NLGN1: variants seen among roughly 807,000 people sequenced by gnomAD.
The protein encoded by NLGN1 is neuroligin-1.
In NLGN1, 12 loss-of-function variants were observed where a neutral mutation model predicts 65.5. The ratio of observed to expected loss-of-function variants is 0.18; its 90% confidence interval spans 0.12 to 0.30. The LOEUF (loss-of-function observed/expected upper bound fraction) is 0.30. NLGN1 is among the 10% of genes least tolerant of loss of function. The pLI is 1.00. For synonymous variants in NLGN1, 350 were observed against 359.5 expected, an observed-to-expected ratio of 0.97 and a Z score of 0.30; for missense variants, 750 against 1,007.1, an observed-to-expected ratio of 0.74 and a Z score of 3.46.
intron 4 of NLGN1, among the ~76,000 whole-genome samples, chr3:174,012,672 T>C (rs73880307): frequency 0.024 from 3,630 of 152,242 alleles, 147 homozygotes; most frequent in African/African-American, 0.083. Context: ...TTCACCATCA[T>C]AGTTTCAAAG....
chr3:174,082,215 A>G (rs1029041420), intron 4 of NLGN1, among the ~76,000 whole-genome samples: 2 of 152,194 alleles, frequency 1.3e-5, no homozygotes, highest in African/African-American at 4.8e-5. Flanking sequence ...GTTGAGGCAA[A>G]CCACACATTT....
chr3:174,264,435 A>G (rs1327663679), intron 4 of NLGN1, among the ~76,000 whole-genome samples: 1 of 147,318 alleles, frequency 6.8e-6, no homozygotes, highest in East Asian at 2.2e-4. Context: ...CATTCATTTC[A>G]TCTTCCATCG....
In NLGN1 at chr3:174,280,719, C is replaced by A; in HGVS notation, c.1888C>A (p.Pro630Thr). Residue 630 changes from proline (P) to threonine (T), a missense_variant, in exon 7 of 7, where the codon CCA becomes ACA. By Grantham distance (38) the Pro-to-Thr change is conservative. Coordinates refer to ENST00000457714, the Ensembl canonical transcript of NLGN1. This position sits in a 1 kb window ranked among gnomAD's most constrained non-coding sequence, Gnocchi z 4.9. ...GTATACCTCTACAACAACTAAAGTG[C>A]CATCAACTGACATCACTTTCAGACC... is the stretch of plus-strand genomic sequence containing the variant. 1 of 1,613,252 alleles carries A rather than the reference C, an allele frequency of 6.2e-7. No individual in the cohort carries two copies. Among genetic ancestry groups the A allele is most frequent in the Non-Finnish European group, 8.5e-7 (1 of 1,179,480 alleles).
At chr3:173,904,506 A>G (rs1737975747) in intron 4 of NLGN1, among the ~76,000 whole-genome samples, 1 of 151,542 alleles carries the variant, frequency 6.6e-6, no homozygotes, top group Admixed American at 6.6e-5. Context: ...GTGAAGATAA[A>G]GGGTTTTTTT....
chr3:173,426,240 T>C (rs1221701380), intron 1 of NLGN1, among the ~76,000 whole-genome samples: 1 of 152,168 alleles, frequency 6.6e-6, no homozygotes, highest in Non-Finnish European at 1.5e-5. Context: ...TGGTGGACTC[T>C]AGGTTTTTCT....
At chr3:174,215,395 G>T (rs980950684) in intron 4 of NLGN1, among the ~76,000 whole-genome samples, 5 of 152,044 alleles carry the variant, frequency 3.3e-5, no homozygotes, top group Non-Finnish European at 7.4e-5. Flanking sequence ...AAAGCCTGTG[G>T]GTAAGCCTCA....
chr3:173,455,274 G>C (rs991458040), intron 2 of NLGN1, among the ~76,000 whole-genome samples: 1 of 152,122 alleles, frequency 6.6e-6, no homozygotes, highest in Non-Finnish European at 1.5e-5. Context: ...GTGAGACCTG[G>C]AGCAAGGGAG....
At chr3:174,272,685 A>G (rs1749658354) in intron 4 of NLGN1, among the ~76,000 whole-genome samples, 1 of 149,224 alleles carries the variant, frequency 6.7e-6, no homozygotes, top group African/African-American at 2.5e-5. Context: ...ATAGATAGAT[A>G]GATAGATAGA....
chr3:174,247,783 AG>A (rs1427468399), intron 4 of NLGN1, among the ~76,000 whole-genome samples: 1 of 152,216 alleles, frequency 6.6e-6, no homozygotes, highest in Non-Finnish European at 1.5e-5. Context: ...TGGCTGTGAA[AG>A]ACCAGACGTT....
At chr3:173,884,644 A>G (rs933305710) in intron 4 of NLGN1, among the ~76,000 whole-genome samples, 2 of 152,212 alleles carry the variant, frequency 1.3e-5, no homozygotes, top group Non-Finnish European at 2.9e-5. Flanking sequence ...GTGCATGTAC[A>G]TAGGACTCTA....
At chr3:173,717,147 G>C (rs949432976) in intron 3 of NLGN1, among the ~76,000 whole-genome samples, 5 of 152,154 alleles carry the variant, frequency 3.3e-5, no homozygotes, top group African/African-American at 1.2e-4. Context: ...AGCCAATTTG[G>C]TATGGTGATG....
At chr3:174,019,135 A>G (rs145086762) in intron 4 of NLGN1, among the ~76,000 whole-genome samples, 76 of 152,304 alleles carry the variant, frequency 5.0e-4, no homozygotes, top group African/African-American at 1.6e-3. Context: ...GCAAGCAAAT[A>G]TATTCCTAGT....
exon 7 of NLGN1, chr3:174,282,941 A>ATTAT (rs987852402): frequency 6.6e-6 from 1 of 151,994 alleles, no homozygotes; most frequent in African/African-American, 2.4e-5. Flanking sequence ...AGAATGAAAG[A>ATTAT]TTATTATACA....
chr3:173,891,182 G>A (rs983473528), intron 4 of NLGN1, among the ~76,000 whole-genome samples: 4 of 152,168 alleles, frequency 2.6e-5, no homozygotes, highest in African/African-American at 9.7e-5. Flanking sequence ...TGACAGCAAA[G>A]CACTCTGGAC....
chr3:174,219,414 G>T (rs966114729), intron 4 of NLGN1, among the ~76,000 whole-genome samples: 1 of 152,066 alleles, frequency 6.6e-6, no homozygotes, highest in African/African-American at 2.4e-5. Context: ...TATTCCTCAA[G>T]ACATGGTCCT....
intron 3 of NLGN1, among the ~76,000 whole-genome samples, chr3:173,663,943 A>G (rs1040132051): frequency 5.3e-5 from 8 of 151,882 alleles, no homozygotes; most frequent in African/African-American, 1.9e-4. Context: ...TGAAAGAACT[A>G]CAGAAGTACT....
chr3:173,966,866 C>T (rs1714989397), intron 4 of NLGN1, among the ~76,000 whole-genome samples: 2 of 152,100 alleles, frequency 1.3e-5, no homozygotes, highest in South Asian at 4.1e-4. Context: ...TAAGTGTACA[C>T]CCTATGACAT....
At chr3:173,815,942 ATT>A (rs1718947696) in intron 4 of NLGN1, among the ~76,000 whole-genome samples, 1 of 150,636 alleles carries the variant, frequency 6.6e-6, no homozygotes, top group African/African-American at 2.4e-5. Context: ...TTATTATGTC[ATT>A]CTTTTAGTTA....
chr3:174,254,807 C>T (rs1049513352), intron 4 of NLGN1, among the ~76,000 whole-genome samples: 1 of 94,792 alleles, frequency 1.1e-5, no homozygotes, highest in Admixed American at 1.2e-4. Flanking sequence ...ACAGGCCTCA[C>T]ATATTCATTT....
Sources: gnomAD v4.1 joint callset for allele counts (sites outside exome capture counted in the v4.1 genomes callset) on GRCh38, gnomAD v4.1.1 for gene constraint, Gnocchi (gnomAD v3.1) non-coding constraint, MANE v1.5 for transcripts, NCBI Gene and HGNC (gene_info 2026-07-23, HGNC 2026-07-21) for gene names.